The following ARID2 variants were observed in gnomAD, a reference collection of about 807,000 sequenced individuals.
The protein encoded by ARID2 is AT-rich interactive domain-containing protein 2.
ARID2 carries 32 observed loss-of-function variants against 184.6 expected under a neutral mutation model. That is an observed-to-expected ratio of 0.17 (90% CI 0.13 to 0.23). The LOEUF (loss-of-function observed/expected upper bound fraction) is 0.23. Ranked by LOEUF, ARID2 falls within the 10% of genes least tolerant of loss-of-function variation. The pLI is 1.00. For missense variants in ARID2, 1,696 were observed against 2,197.6 expected, an observed-to-expected ratio of 0.77 and a Z score of 4.56; for synonymous variants, 836 against 772.6, an observed-to-expected ratio of 1.08 and a Z score of -1.36.
At chr12:45,781,960 A>G (rs1942098530) in intron 3 of ARID2, among the ~76,000 whole-genome samples, 1 of 152,224 alleles carries the variant, frequency 6.6e-6, no homozygotes, top group Non-Finnish European at 1.5e-5. Flanking sequence ...TTCTAGTACA[A>G]GATAAAACTT....
At position 45,901,154 on chromosome 12, in the gene ARID2, A is replaced by ATTTTTTTTT. The variant is rs71067909; in HGVS notation, c.5364-3754_5364-3746dup. Among the ~76,000 whole-genome samples, 35 of 44,966 alleles carry ATTTTTTTTT rather than the reference A, an allele frequency of 7.8e-4. 6 individuals are homozygous for ATTTTTTTTT. Among genetic ancestry groups the ATTTTTTTTT allele is most frequent in the African/African-American group, 9.8e-4 (7 of 7,160 alleles). The allele number at this position is 44,966 out of a possible 152,430, so 29.5% of individuals were successfully genotyped here. The stretch of plus-strand genomic sequence containing the variant: ...AATCTATTTTTTGGAAATTTCCTTA[A>ATTTTTTTTT]TTTTTTTTTTTTTTTTTTTTTTTTT... On this transcript the variant is annotated intron_variant, in intron 20 of 20. Coordinates refer to ENST00000334344, the MANE Select transcript of ARID2 (RefSeq NM_152641.4).
chr12:45,742,636 A>G (rs1039792918), intron 3 of ARID2, among the ~76,000 whole-genome samples: 2 of 152,204 alleles, frequency 1.3e-5, no homozygotes, highest in African/African-American at 2.4e-5. Flanking sequence ...ACAGCTGCAT[A>G]ATGTTCCCAT....
intron 11 of ARID2, chr12:45,840,196 C>A (rs570228987): frequency 6.6e-6 from 1 of 152,200 alleles, no homozygotes; most frequent in East Asian, 1.9e-4. Context: ...ACTAAAAATA[C>A]ATATTTCATC....
At chr12:45,810,005 G>C (rs1942674840) in intron 3 of ARID2, among the ~76,000 whole-genome samples, 1 of 152,114 alleles carries the variant, frequency 6.6e-6, no homozygotes, top group African/African-American at 2.4e-5. Context: ...AAAAGCAGAG[G>C]GTAGGTAGCT....
In ARID2 at chr12:45,891,731, A is replaced by G. The variant is rs374355491; in HGVS notation, c.4923-49A>G. The G allele has an allele frequency of 1.9e-5, 30 of 1,581,610 alleles. No homozygotes were observed. In the African/African-American group the frequency reaches 4.0e-4, roughly 21 times the overall value. ...GCAGAGAAATTTTTGAAATAGTTTC[A>G]AAATATACTTGAATACATCCAAGTG... On this transcript the variant is annotated intron_variant, in intron 16 of 20. Transcript: ENST00000334344.
chr12:45,747,327 A>C (rs1227247732), intron 3 of ARID2, among the ~76,000 whole-genome samples: 1 of 152,182 alleles, frequency 6.6e-6, no homozygotes, highest in Non-Finnish European at 1.5e-5. Flanking sequence ...GGATTTTTGC[A>C]ACAACTCTAG....
chr12:45,791,423 A>AGT (rs1372384556), intron 3 of ARID2, among the ~76,000 whole-genome samples: 1 of 152,160 alleles, frequency 6.6e-6, no homozygotes. Flanking sequence ...TTTTTCATAA[A>AGT]GTTTTATCCT....
At chr12:45,862,059 T>C (rs1436230737) in intron 16 of ARID2, among the ~76,000 whole-genome samples, 2 of 152,238 alleles carry the variant, frequency 1.3e-5, no homozygotes, top group African/African-American at 4.8e-5. Flanking sequence ...TGATTATGGC[T>C]ACCTGTGTAG....
intron 20 of ARID2, among the ~76,000 whole-genome samples, chr12:45,899,523 G>A (rs1293920756): frequency 4.0e-5 from 6 of 149,716 alleles, no homozygotes; most frequent in East Asian, 3.9e-4. Flanking sequence ...GGAGAATGGC[G>A]TGAACACAGG....
At chr12:45,802,308 T>G (rs1478035873) in intron 3 of ARID2, among the ~76,000 whole-genome samples, 17 of 152,082 alleles carry the variant, frequency 1.1e-4, no homozygotes, top group Admixed American at 1.1e-3. Context: ...GCTCAGGTGA[T>G]CCTCACACCC....
intron 3 of ARID2, among the ~76,000 whole-genome samples, chr12:45,807,270 T>C: frequency 6.6e-6 from 1 of 152,222 alleles, no homozygotes; most frequent in East Asian, 1.9e-4. Context: ...TATCATCTTT[T>C]TTTGTAACAT....
At chr12:45,823,250 G>A (rs1301022441) in intron 6 of ARID2, among the ~76,000 whole-genome samples, 1 of 151,956 alleles carries the variant, frequency 6.6e-6, no homozygotes, top group Non-Finnish European at 1.5e-5. Flanking sequence ...AGTTAAGAAG[G>A]AAATTTAAAA....
chr12:45,773,675 A>G (rs1941920653), intron 3 of ARID2, among the ~76,000 whole-genome samples: 1 of 152,106 alleles, frequency 6.6e-6, no homozygotes, highest in Non-Finnish European at 1.5e-5. Context: ...AAACTACCAA[A>G]ATTGACTTAA....
intron 3 of ARID2, among the ~76,000 whole-genome samples, chr12:45,768,740 C>A (rs146446195): frequency 0.011 from 1,621 of 152,234 alleles, 20 homozygotes; most frequent in South Asian, 0.026. Flanking sequence ...GGGGTCAGAA[C>A]AAATCTCAAA....
chr12:45,905,593 G>A lies in ARID2; in HGVS notation c.*515G>A, dbSNP rs1207931865. ...CCACCAATATCTAGCTATGGATCGTGTGTTTTGTTTAGAAATCAGTAGCTT... is the reference window on the plus strand; with the variant it reads ...CCACCAATATCTAGCTATGGATCGTATGTTTTGTTTAGAAATCAGTAGCTT... On this transcript the variant is annotated 3_prime_UTR_variant, in exon 21 of 21. Transcript: ENST00000334344. 8.6e-6 allele frequency: 2 copies of A among 233,146 alleles called. No homozygotes were observed. The highest frequency in any genetic ancestry group is 1.7e-5 in the Non-Finnish European group (2 of 117,818). The allele number at this position is 233,146 out of a possible 1,614,324, so 14.4% of individuals were successfully genotyped here. A position where few individuals can be genotyped will look rare whatever the true frequency, so the allele number is the denominator to read the frequency against.
At chr12:45,781,135 C>T (rs1172061863) in intron 3 of ARID2, among the ~76,000 whole-genome samples, 2 of 151,442 alleles carry the variant, frequency 1.3e-5, no homozygotes, top group African/African-American at 2.4e-5. Flanking sequence ...GCACTTAAAA[C>T]AACAAACATT....
At chr12:45,814,849 C>T (rs1211419125) in intron 4 of ARID2, among the ~76,000 whole-genome samples, 1 of 152,030 alleles carries the variant, frequency 6.6e-6, no homozygotes, top group African/African-American at 2.4e-5. Flanking sequence ...ATCTGAACTC[C>T]CAAATGAAGC....
rs746164328 is a variant in ARID2 at position 45,850,093 on chromosome 12, A to G, written c.1970A>G (p.Asn657Ser). Residue 657 changes from asparagine to serine, a missense_variant, in exon 15 of 21, where the codon AAC (asparagine) becomes AGC (serine). Coordinates refer to ENST00000334344, the MANE Select transcript of ARID2 (RefSeq NM_152641.4). Reference sequence around the variant, plus strand: ...CATTTTCAGAGGACTCCTGTTGCCAACCAATCTTCAAATCTGACTGCAACA... The same window carrying G: ...CATTTTCAGAGGACTCCTGTTGCCAGCCAATCTTCAAATCTGACTGCAACA... Reference protein sequence around the residue: ...GNHFQRTPVANQSSNLTATQM... With the variant: ...GNHFQRTPVASQSSNLTATQM... The G allele has an allele frequency of 5.0e-6, 8 of 1,614,048 alleles. No homozygotes were observed. The highest frequency in any genetic ancestry group is 1.1e-5 in the South Asian group (1 of 91,070).
rs569493462 is a variant in ARID2 at position 45,856,752 on chromosome 12, G to T, written c.4773+3856G>T. 3.3e-3 allele frequency among the ~76,000 whole-genome samples: 496 copies of T among 152,098 alleles called. 2 individuals are homozygous for T. Among genetic ancestry groups the T allele is most frequent in the Non-Finnish European group, 6.1e-3 (413 of 67,988 alleles). ...AGAAAAAAATAGCAACAAGTAAAAA[G>T]AATCTATGTGAAAGTAAATGATATA... On this transcript the variant is annotated intron_variant, in intron 15 of 20. Transcript: ENST00000334344.
Sources: gnomAD v4.1 joint callset for allele counts (sites outside exome capture counted in the v4.1 genomes callset) on GRCh38, gnomAD v4.1.1 for gene constraint, MANE v1.5 for transcripts, NCBI Gene and HGNC (gene_info 2026-07-23, HGNC 2026-07-21) for gene names.